Variants in NPAS2 observed in about 807,000 individuals in gnomAD.
NPAS2 encodes the protein neuronal PAS domain protein 2, also known as neuronal PAS domain-containing protein 2.
A neutral mutation model predicts 107.5 loss-of-function variants in NPAS2; 23 were observed. The observed-to-expected ratio is 0.21, with a 90% CI of 0.15 to 0.30. NPAS2 has a LOEUF of 0.30. Among genes scored for constraint, NPAS2 ranks in the 10% least tolerant of loss-of-function variants. The probability of loss-of-function intolerance (pLI) is 1.00; values close to 1 mark genes in which losing one functional copy is unlikely to be tolerated. For synonymous variants in NPAS2, 403 were observed against 417.5 expected (o/e 0.97, Z 0.42); for missense variants, 756 against 1,043.3 (o/e 0.72, Z 3.79).
chr2:100,842,081 G>GTGCGCGCGCACACACACACACACACA (rs1553441796), intron 1 of NPAS2, among the ~76,000 whole-genome samples: 162 of 148,902 alleles, frequency 1.1e-3, no homozygotes, highest in African/African-American at 3.7e-3. Flanking sequence ...GCATGTACGC[G>GTGCGCGCGCACACACACACACACACA]CACACACACA....
At chr2:100,860,422 T>G (rs1678868245) in intron 1 of NPAS2, among the ~76,000 whole-genome samples, 1 of 152,210 alleles carries the variant, frequency 6.6e-6, no homozygotes, top group Non-Finnish European at 1.5e-5. Flanking sequence ...CGCTGAACTA[T>G]TTTTCCTTTT....
chr2:100,825,307 A>C (rs1676306087), intron 1 of NPAS2, among the ~76,000 whole-genome samples: 1 of 152,216 alleles, frequency 6.6e-6, no homozygotes, highest in Non-Finnish European at 1.5e-5. Flanking sequence ...TTTTTTGTTT[A>C]TAAAAGTACA....
chr2:100,991,302 T>A (rs1038540082), intron 19 of NPAS2, among the ~76,000 whole-genome samples: 5 of 152,164 alleles, frequency 3.3e-5, no homozygotes, highest in Admixed American at 1.3e-4. Flanking sequence ...GCCCCCTCTC[T>A]GCCTTCCCCA....
At chr2:100,903,935 G>T (rs1681965966) in intron 1 of NPAS2, among the ~76,000 whole-genome samples, 1 of 152,158 alleles carries the variant, frequency 6.6e-6, no homozygotes, top group Non-Finnish European at 1.5e-5. Flanking sequence ...AGCTGGATCT[G>T]TGGGCCTGAG....
At chr2:100,849,001 G>C (rs530840988) in intron 1 of NPAS2, among the ~76,000 whole-genome samples, 2 of 152,350 alleles carry the variant, frequency 1.3e-5, no homozygotes, top group African/African-American at 4.8e-5. Context: ...ATCCAGCTAC[G>C]TTTTCTGTGC....
chr2:100,930,087 C>G (rs1268855834), intron 3 of NPAS2, among the ~76,000 whole-genome samples: 1 of 152,178 alleles, frequency 6.6e-6, no homozygotes, highest in Non-Finnish European at 1.5e-5. Flanking sequence ...CTGTAAATAG[C>G]AGGACATATT....
chr2:100,915,363 C>T lies in NPAS2; in HGVS notation c.33-9783C>T, dbSNP rs140136529. ...TAAATAGAGCCAGCTTTCTGGCCAA[C>T]GGAACAGAAAGGGAGCCTGGGAACC... On this transcript the variant is annotated intron_variant, in intron 2 of 20. Coordinates refer to ENST00000335681, the MANE Select transcript of NPAS2 (RefSeq NM_002518.4). 2.3e-3 allele frequency among the ~76,000 whole-genome samples: 348 copies of T among 152,234 alleles called. 3 individuals carry two copies. Among genetic ancestry groups the T allele is most frequent in the African/African-American group, 8.1e-3 (335 of 41,542 alleles).
intron 5 of NPAS2, among the ~76,000 whole-genome samples, chr2:100,945,584 C>T (rs567133090): frequency 6.6e-6 from 1 of 152,308 alleles, no homozygotes; most frequent in South Asian, 2.1e-4. Flanking sequence ...GGCACAGGGT[C>T]GAGCCCTGAC....
At chr2:100,971,427 A>C (rs1046402375) in intron 12 of NPAS2, among the ~76,000 whole-genome samples, 21 of 151,954 alleles carry the variant, frequency 1.4e-4, no homozygotes, top group African/African-American at 5.1e-4. Context: ...TCTCCTCCAC[A>C]GATAAGACAC....
At chr2:100,846,625 T>A (rs1337103193) in intron 1 of NPAS2, among the ~76,000 whole-genome samples, 1 of 152,242 alleles carries the variant, frequency 6.6e-6, no homozygotes, top group Admixed American at 6.5e-5. Context: ...TAAGTTAAAG[T>A]ATTTTTATGA....
chr2:100,895,231 G>A (rs1346533983), intron 1 of NPAS2, among the ~76,000 whole-genome samples: 1 of 152,224 alleles, frequency 6.6e-6, no homozygotes, highest in African/African-American at 2.4e-5. Flanking sequence ...ATGATCATTA[G>A]TGATAGTGTG....
intron 4 of NPAS2, among the ~76,000 whole-genome samples, chr2:100,934,618 T>C (rs568052075): frequency 6.6e-6 from 1 of 152,302 alleles, no homozygotes; most frequent in Admixed American, 6.5e-5. Context: ...GTCTGGAAAG[T>C]CCACCAACTA....
intron 15 of NPAS2, 61 bp downstream of exon 15, chr2:100,977,860 G>A (rs1202706954): frequency 9.9e-6 from 14 of 1,411,042 alleles, no homozygotes; most frequent in Admixed American, 1.7e-5. Flanking sequence ...AGTGTGCTGC[G>A]CTGATGGTCT....
At chr2:100,926,881 T>G (rs545629951) in intron 3 of NPAS2, among the ~76,000 whole-genome samples, 2 of 152,172 alleles carry the variant, frequency 1.3e-5, no homozygotes, top group African/African-American at 4.8e-5. Context: ...TCTAAGGTAA[T>G]GAAGATTTAT....
At chr2:100,886,522 C>T (rs754268287) in intron 1 of NPAS2, among the ~76,000 whole-genome samples, 3 of 152,110 alleles carry the variant, frequency 2.0e-5, no homozygotes, top group Non-Finnish European at 4.4e-5. Flanking sequence ...CCTGAGCTAA[C>T]AATTCATTGA....
intron 15 of NPAS2, among the ~76,000 whole-genome samples, chr2:100,979,900 T>C (rs1677329685): frequency 6.6e-6 from 1 of 152,148 alleles, no homozygotes; most frequent in Non-Finnish European, 1.5e-5. Flanking sequence ...TCCCACTTCA[T>C]GTGAAATACC....
At chr2:100,897,332 AG>A (rs1017775907) in intron 1 of NPAS2, among the ~76,000 whole-genome samples, 1 of 152,224 alleles carries the variant, frequency 6.6e-6, no homozygotes, top group Non-Finnish European at 1.5e-5. Context: ...CCATCAAAGT[AG>A]AGAACCTGTT....
intron 15 of NPAS2, among the ~76,000 whole-genome samples, chr2:100,981,690 G>T (rs981274072): frequency 3.9e-5 from 6 of 152,146 alleles, no homozygotes; most frequent in Non-Finnish European, 8.8e-5. Context: ...AGGCTGGAGA[G>T]GGGAGGGTGA....
intron 1 of NPAS2, among the ~76,000 whole-genome samples, chr2:100,839,405 A>G (rs1033143982): frequency 6.6e-6 from 1 of 152,170 alleles, no homozygotes; most frequent in Non-Finnish European, 1.5e-5. Context: ...CTGGGATTAC[A>G]GGTGTGAGCC....
Sources: allele counts gnomAD v4.1 joint callset (sites outside exome capture counted in the v4.1 genomes callset), GRCh38; gene constraint gnomAD v4.1.1; transcripts MANE v1.5; gene names NCBI Gene and HGNC (gene_info 2026-07-23, HGNC 2026-07-21).